Variants in RALGPS2 observed in about 807,000 individuals in gnomAD.
RALGPS2 encodes Ral GEF with PH domain and SH3 binding motif 2.
RALGPS2 carries 43 observed loss-of-function variants against 86.8 expected under a neutral mutation model. The observed-to-expected ratio is 0.50, with a 90% CI of 0.39 to 0.64. The LOEUF (loss-of-function observed/expected upper bound fraction) is 0.64, where lower values mean the gene tolerates loss of function less well. Ranked by LOEUF, RALGPS2 falls within the 30% of genes least tolerant of loss-of-function variation. RALGPS2 has a pLI of 0.00. For synonymous variants in RALGPS2, 243 were observed against 231.3 expected (o/e 1.05, Z -0.46); for missense variants, 536 against 694.6 (o/e 0.77, Z 2.57).
In RALGPS2 at chr1:178,917,979, C is replaced by T. The variant is rs1419468226; in HGVS notation, c.*1620C>T. Reference sequence around the variant, plus strand: ...TTTTGCCCTTGAGTCCATGAAACTTCAATAGAAAATATTGCTTATACAATA... The same window carrying T: ...TTTTGCCCTTGAGTCCATGAAACTTTAATAGAAAATATTGCTTATACAATA... On this transcript the variant is annotated 3_prime_UTR_variant, in exon 20 of 20. Transcript: ENST00000367635. 1 of 152,062 alleles carries T rather than the reference C, an allele frequency of 6.6e-6. No individual in the cohort carries two copies. The highest frequency in any genetic ancestry group is 2.4e-5 in the African/African-American group (1 of 41,428). 9.4% of individuals were successfully genotyped at this position (152,062 alleles called of 1,614,324 possible).
At chr1:178,785,485 A>G (rs1238348264) in intron 3 of RALGPS2, 72 bp from the exon 4 acceptor site, 1 of 1,456,952 alleles carries the variant, frequency 6.9e-7, no homozygotes, top group Non-Finnish European at 9.2e-7. Context: ...ATAGAATATA[A>G]TTTTAATTTA....
At chr1:178,746,512 G>T (rs1311923466) in intron 1 of RALGPS2, among the ~76,000 whole-genome samples, 1 of 152,142 alleles carries the variant, frequency 6.6e-6, no homozygotes, top group South Asian at 2.1e-4. Context: ...GTCTTAGCTG[G>T]TGGATGCTCT....
At chr1:178,856,194 G>GATATATATATATAT (rs776840814) in intron 8 of RALGPS2, among the ~76,000 whole-genome samples, 20 of 99,164 alleles carry the variant, frequency 2.0e-4, no homozygotes, top group Middle Eastern at 5.2e-3. Context: ...CTTTTCCAGA[G>GATATATATATATAT]AGAGAGAGAT....
intron 1 of RALGPS2, among the ~76,000 whole-genome samples, chr1:178,735,104 A>G (rs1650596403): frequency 6.6e-6 from 1 of 152,188 alleles, no homozygotes; most frequent in Non-Finnish European, 1.5e-5. Flanking sequence ...AACAACAACA[A>G]AAAAAGGGGA....
intron 6 of RALGPS2, among the ~76,000 whole-genome samples, chr1:178,815,360 C>T (rs756504396): frequency 4.6e-5 from 7 of 152,098 alleles, no homozygotes; most frequent in African/African-American, 1.2e-4. Flanking sequence ...TCTGGGATTA[C>T]AGGTGTGAGC....
intron 1 of RALGPS2, among the ~76,000 whole-genome samples, chr1:178,732,569 G>A (rs920620445): frequency 1.3e-5 from 2 of 152,072 alleles, no homozygotes; most frequent in Non-Finnish European, 2.9e-5. Context: ...AAAGTGCTGG[G>A]ATTACAGGCG....
rs1365963883 is a variant in RALGPS2 at position 178,841,251 on chromosome 1, A to G, written c.607+7701A>G. ...ATGAACATTGATGCAAAAATCCTCA[A>G]TAAAATACTGGCAAACCGAATCCAG... On this transcript the variant is annotated intron_variant, in intron 8 of 19. Coordinates refer to ENST00000367635, the MANE Select transcript of RALGPS2 (RefSeq NM_152663.5). Among the ~76,000 whole-genome samples, 135 of 151,954 alleles carry G rather than the reference A, an allele frequency of 8.9e-4. 1 individual carries two copies. The highest frequency in any genetic ancestry group is 1.7e-3 in the South Asian group (8 of 4,780).
At chr1:178,735,990 T>C (rs1219391264) in intron 1 of RALGPS2, among the ~76,000 whole-genome samples, 1 of 152,068 alleles carries the variant, frequency 6.6e-6, no homozygotes, top group Admixed American at 6.6e-5. Context: ...TTACATAATT[T>C]CCTTTTGATG....
chr1:178,818,576 G>A (rs1398291282), intron 6 of RALGPS2, among the ~76,000 whole-genome samples: 1 of 152,034 alleles, frequency 6.6e-6, no homozygotes, highest in African/African-American at 2.4e-5. Flanking sequence ...CCAGCTGTCA[G>A]CCTCCAGCAC....
chr1:178,832,183 A>G (rs951564410), intron 7 of RALGPS2, among the ~76,000 whole-genome samples: 1 of 152,194 alleles, frequency 6.6e-6, no homozygotes, highest in Non-Finnish European at 1.5e-5. Context: ...AAAGTGGAGT[A>G]AGAGAAAATT....
intron 5 of RALGPS2, among the ~76,000 whole-genome samples, chr1:178,809,724 C>T (rs979554818): frequency 2.0e-5 from 3 of 151,748 alleles, no homozygotes; most frequent in Admixed American, 6.6e-5. Flanking sequence ...ATTGGGGTCT[C>T]GGGGTGGCTG....
chr1:178,758,526 CT>C (rs1185881115), intron 1 of RALGPS2, among the ~76,000 whole-genome samples: 1 of 151,856 alleles, frequency 6.6e-6, no homozygotes, highest in Non-Finnish European at 1.5e-5. Flanking sequence ...TTATCTGTCA[CT>C]TCCTACCCCC....
chr1:178,907,507 T>C (rs947610643), intron 19 of RALGPS2, among the ~76,000 whole-genome samples: 5 of 152,222 alleles, frequency 3.3e-5, no homozygotes, highest in Non-Finnish European at 5.9e-5. Flanking sequence ...AATGGTCTAA[T>C]TGAAAGGCTT....
intron 2 of RALGPS2, among the ~76,000 whole-genome samples, chr1:178,778,765 A>G (rs1653231848): frequency 1.3e-5 from 2 of 150,380 alleles, no homozygotes; most frequent in African/African-American, 4.9e-5. Context: ...GAAATTGGAA[A>G]TCATCATTCT....
At chr1:178,725,449 G>A (rs1440808956) in intron 1 of RALGPS2, 30 bp downstream of exon 1, 1 of 148,634 alleles carries the variant, frequency 6.7e-6, no homozygotes. Context: ...GGGGCGGTGC[G>A]GGGGAGGGAG....
chr1:178,784,598 G>A, intron 3 of RALGPS2, 76 bp downstream of exon 3: 2 of 1,148,494 alleles, frequency 1.7e-6, no homozygotes, highest in Non-Finnish European at 1.2e-6. Flanking sequence ...GAATTTGTAG[G>A]TCCAGCAAAA....
chr1:178,863,155 A>G (rs1405600484), intron 8 of RALGPS2, among the ~76,000 whole-genome samples: 2 of 152,132 alleles, frequency 1.3e-5, no homozygotes, highest in African/African-American at 4.8e-5. Context: ...TTTGAATCTA[A>G]ACAAGAGTTC....
chr1:178,734,033 A>G (rs1650538434), intron 1 of RALGPS2, among the ~76,000 whole-genome samples: 1 of 152,192 alleles, frequency 6.6e-6, no homozygotes, highest in South Asian at 2.1e-4. Context: ...TAAAAAGACA[A>G]CTCAATTTAA....
intron 8 of RALGPS2, among the ~76,000 whole-genome samples, chr1:178,855,306 T>C (rs1363224495): frequency 6.6e-6 from 1 of 151,618 alleles, no homozygotes; most frequent in African/African-American, 2.4e-5. Flanking sequence ...CTTTTTTTTT[T>C]TTTTTTTACT....
Sources: gnomAD v4.1 joint callset for allele counts (sites outside exome capture counted in the v4.1 genomes callset) on GRCh38, gnomAD v4.1.1 for gene constraint, MANE v1.5 for transcripts, NCBI Gene and HGNC (gene_info 2026-07-23, HGNC 2026-07-21) for gene names.